The following RANBP17 variants were observed in gnomAD, a reference collection of about 807,000 sequenced individuals.
The protein encoded by RANBP17 is RAN binding protein 17.
Under a neutral mutation model 141.2 loss-of-function variants are expected in RANBP17, and 158 were observed. The ratio of observed to expected loss-of-function variants is 1.12; its 90% CI spans 0.98 to 1.28. RANBP17 has a LOEUF of 1.28. RANBP17 is among the 50% of genes most tolerant of loss of function. The pLI is 0.00. For missense variants in RANBP17, 1,438 were observed against 1,290.7 expected, an observed-to-expected ratio of 1.11 and a Z score of -1.75; for synonymous variants, 430 against 450.0, an observed-to-expected ratio of 0.96 and a Z score of 0.56.
intron 25 of RANBP17, among the ~76,000 whole-genome samples, chr5:171,283,627 T>A (rs1443690913): frequency 2.0e-5 from 3 of 152,216 alleles, no homozygotes; most frequent in Non-Finnish European, 4.4e-5. Context: ...CAAGAATAAT[T>A]TTCCCCCATA....
intron 1 of RANBP17, among the ~76,000 whole-genome samples, chr5:170,877,554 G>A (rs1768290719): frequency 6.6e-6 from 1 of 152,146 alleles, no homozygotes; most frequent in African/African-American, 2.4e-5. Flanking sequence ...AAGTCACCAT[G>A]CCCGGCCTTA....
intron 14 of RANBP17, among the ~76,000 whole-genome samples, chr5:171,001,254 G>A (rs1460621448): frequency 2.0e-5 from 3 of 152,036 alleles, no homozygotes; most frequent in Non-Finnish European, 4.4e-5. Context: ...TAGAAGGAGC[G>A]TTTGTCATAT....
chr5:171,210,333 C>T (rs1762802754), intron 20 of RANBP17, among the ~76,000 whole-genome samples: 2 of 152,130 alleles, frequency 1.3e-5, no homozygotes, highest in Non-Finnish European at 2.9e-5. Flanking sequence ...GTGGCAGTCA[C>T]CTCTGTCAGA....
At chr5:171,006,922 A>G (rs1286535628) in intron 14 of RANBP17, among the ~76,000 whole-genome samples, 1 of 152,092 alleles carries the variant, frequency 6.6e-6, no homozygotes, top group Non-Finnish European at 1.5e-5. Context: ...TAAGCCCTTC[A>G]ACTAGGCAGG....
At chr5:171,117,162 A>G (rs552339322) in intron 14 of RANBP17, among the ~76,000 whole-genome samples, 35 of 152,260 alleles carry the variant, frequency 2.3e-4, no homozygotes, top group Non-Finnish European at 4.0e-4. Context: ...CCTTTGATAT[A>G]CTGATATCTT....
chr5:171,202,575 T>C (rs1012455256), intron 19 of RANBP17, among the ~76,000 whole-genome samples: 8 of 152,236 alleles, frequency 5.3e-5, no homozygotes, highest in Non-Finnish European at 1.0e-4. Flanking sequence ...AGAATGATTT[T>C]GCTTTGATCC....
In RANBP17 at chr5:171,015,542, T is replaced by C. The variant is rs563041381; in HGVS notation, c.1710+47165T>C. 4.6e-5 allele frequency among the ~76,000 whole-genome samples: 7 copies of C among 152,272 alleles called. No individual in the cohort carries two copies. In the East Asian group the frequency reaches 5.8e-4, roughly 13 times the overall value. ...TATATTTTCTAACTTTTTGAACATA[T>C]GAAATACATATTATATTGGTTTTAA... On this transcript the variant is annotated intron_variant, in intron 14 of 27. Coordinates refer to ENST00000523189, the MANE Select transcript of RANBP17 (RefSeq NM_022897.5).
chr5:171,070,609 T>C, intron 14 of RANBP17, among the ~76,000 whole-genome samples: 1 of 152,104 alleles, frequency 6.6e-6, no homozygotes, highest in Non-Finnish European at 1.5e-5. Flanking sequence ...TGTTTGAAGA[T>C]TCAAAAGCAG....
intron 14 of RANBP17, among the ~76,000 whole-genome samples, chr5:171,060,563 G>A (rs1013829672): frequency 1.3e-5 from 2 of 152,150 alleles, no homozygotes; most frequent in African/African-American, 4.8e-5. Flanking sequence ...GATTCGGTTT[G>A]TCAGTATTTT....
At chr5:170,963,301 G>A (rs1323302391) in intron 13 of RANBP17, among the ~76,000 whole-genome samples, 1 of 152,142 alleles carries the variant, frequency 6.6e-6, no homozygotes, top group Non-Finnish European at 1.5e-5. Context: ...TTAGCTCCTT[G>A]TCTCACACTG....
intron 12 of RANBP17, among the ~76,000 whole-genome samples, chr5:170,939,359 T>TTTTATTTATTTA (rs370040899): frequency 1.1e-4 from 16 of 147,640 alleles, no homozygotes; most frequent in South Asian, 6.5e-4. Flanking sequence ...AAAAATTTTA[T>TTTTATTTATTTA]TTTATTTATT....
chr5:171,267,481 A>T (rs896804745), intron 25 of RANBP17, among the ~76,000 whole-genome samples: 1 of 152,098 alleles, frequency 6.6e-6, no homozygotes, highest in African/African-American at 2.4e-5. Context: ...TTGCTATATG[A>T]CCGTTAGGGA....
In RANBP17 at chr5:171,154,359, C is replaced by T. The variant is rs556466251; in HGVS notation, c.1711-15771C>T. Reference sequence around the variant, plus strand: ...TGGCACGATCTCGGCTCACTGCAAGCTCCGCCTCCCGAGTCCACACCATTC... The same window carrying T: ...TGGCACGATCTCGGCTCACTGCAAGTTCCGCCTCCCGAGTCCACACCATTC... On this transcript the variant is annotated intron_variant, in intron 14 of 27. Coordinates refer to ENST00000523189, the MANE Select transcript of RANBP17 (RefSeq NM_022897.5). Among the ~76,000 whole-genome samples, 394 of 151,980 alleles carry T rather than the reference C, an allele frequency of 2.6e-3. 2 individuals are homozygous for T. The highest frequency in any genetic ancestry group is 8.9e-3 in the African/African-American group (368 of 41,458).
At chr5:171,087,894 C>G (rs1308273446) in intron 14 of RANBP17, among the ~76,000 whole-genome samples, 3 of 152,244 alleles carry the variant, frequency 2.0e-5, no homozygotes, top group East Asian at 1.9e-4. Flanking sequence ...ATACAGCACA[C>G]TGATGGATCT....
At chr5:170,993,153 A>G (rs969045536) in intron 14 of RANBP17, among the ~76,000 whole-genome samples, 2 of 152,064 alleles carry the variant, frequency 1.3e-5, no homozygotes, top group African/African-American at 4.8e-5. Context: ...CCACTTGTCC[A>G]TTATATGTTA....
chr5:171,007,214 C>T (rs758630902), intron 14 of RANBP17, among the ~76,000 whole-genome samples: 121 of 152,126 alleles, frequency 8.0e-4, no homozygotes, highest in Non-Finnish European at 1.3e-3. Context: ...AGAGCCTAAA[C>T]GCTGGCTGAT....
At chr5:171,254,264 A>T (rs2128007292) in intron 24 of RANBP17, among the ~76,000 whole-genome samples, 1 of 151,876 alleles carries the variant, frequency 6.6e-6, no homozygotes, top group Admixed American at 6.6e-5. Context: ...AAAAAAAAAA[A>T]ATTCCTGTAG....
At chr5:171,178,793 A>G (rs182164641) in intron 16 of RANBP17, among the ~76,000 whole-genome samples, 153 of 152,136 alleles carry the variant, frequency 1.0e-3, no homozygotes, top group Middle Eastern at 3.4e-3. Flanking sequence ...TTTTTTTCAT[A>G]TGGTTGTTGG....
chr5:171,260,646 A>T (rs1016769214), intron 24 of RANBP17, among the ~76,000 whole-genome samples: 1 of 152,022 alleles, frequency 6.6e-6, no homozygotes, highest in African/African-American at 2.4e-5. Flanking sequence ...GGTGACAGAA[A>T]CCCTAAGTAT....
Sources: gnomAD v4.1 joint callset for allele counts (sites outside exome capture counted in the v4.1 genomes callset) on GRCh38, gnomAD v4.1.1 for gene constraint, MANE v1.5 for transcripts, NCBI Gene and HGNC (gene_info 2026-07-23, HGNC 2026-07-21) for gene names.